Variants in MYO18B observed in about 807,000 individuals in gnomAD.
MYO18B encodes unconventional myosin-XVIIIb.
In MYO18B, 204 loss-of-function variants were observed where a neutral mutation model predicts 273.0. That is an observed-to-expected ratio of 0.75 (90% CI 0.67 to 0.84). The LOEUF (loss-of-function observed/expected upper bound fraction) is 0.84. Ranked by LOEUF, MYO18B falls within the 40% of genes least tolerant of loss-of-function variation. MYO18B has a pLI of 0.00. For synonymous variants in MYO18B, 1,330 were observed against 1,305.7 expected (o/e 1.02, Z -0.40); for missense variants, 3,212 against 3,287.6 (o/e 0.98, Z 0.56).
intron 37 of MYO18B, among the ~76,000 whole-genome samples, chr22:25,951,537 A>G (rs2146626417): frequency 6.6e-6 from 1 of 152,332 alleles, no homozygotes; most frequent in East Asian, 1.9e-4. Context: ...AGAACAAGAG[A>G]TGGTCTGTGC....
chr22:25,957,430 C>T (rs2092866724), intron 39 of MYO18B, among the ~76,000 whole-genome samples: 1 of 152,210 alleles, frequency 6.6e-6, no homozygotes, highest in African/African-American at 2.4e-5. Context: ...TGCATGCATG[C>T]TGAAATTAGA....
chr22:25,810,117 A>G (rs8137100), intron 12 of MYO18B, among the ~76,000 whole-genome samples: 36,957 of 115,948 alleles, frequency 0.32, 5,417 homozygotes, highest in Middle Eastern at 0.44. Flanking sequence ...TTTTTTTTTG[A>G]GACAGAGTCT....
intron 1 of MYO18B, among the ~76,000 whole-genome samples, chr22:25,743,140 C>T (rs1296755592): frequency 6.6e-6 from 1 of 152,240 alleles, no homozygotes; most frequent in African/African-American, 2.4e-5. Context: ...TCCAGTCTGG[C>T]CTCAACCCGC....
intron 16 of MYO18B, among the ~76,000 whole-genome samples, chr22:25,833,984 T>A (rs1001688837): frequency 7.2e-5 from 11 of 152,266 alleles, no homozygotes; most frequent in African/African-American, 2.6e-4. Flanking sequence ...TGTGTTCTTC[T>A]GGTTGGCATC....
rs117795674 is a variant in MYO18B at position 25,835,629 on chromosome 22, T to C, written c.3208+186T>C. ...TTCAGTGAACGCATTGAGCAGCCACTATGTGCTGGGTACTGTTCCATGTGT... is the reference window on the plus strand; with the variant it reads ...TTCAGTGAACGCATTGAGCAGCCACCATGTGCTGGGTACTGTTCCATGTGT... On this transcript the variant is annotated intron_variant, in intron 17 of 43. Transcript: ENST00000335473. 2.9e-3 allele frequency among the ~76,000 whole-genome samples: 438 copies of C among 152,368 alleles called. 2 individuals are homozygous for C. The highest frequency in any genetic ancestry group is 4.8e-3 in the Non-Finnish European group (328 of 68,042).
intron 26 of MYO18B, 137 bp from the exon 27 acceptor site, chr22:25,891,167 C>G (rs1242857896): frequency 6.8e-6 from 5 of 737,182 alleles, no homozygotes; most frequent in South Asian, 3.8e-5. Context: ...GGTGGCTAGC[C>G]CATGGTCCTG....
At chr22:25,991,150 A>G (rs775422970) in intron 39 of MYO18B, among the ~76,000 whole-genome samples, 6 of 152,124 alleles carry the variant, frequency 3.9e-5, no homozygotes, top group Non-Finnish European at 7.4e-5. Context: ...ACCATTCCCA[A>G]TTGCTGGGTG....
At chr22:25,959,853 G>C (rs1601691636) in intron 39 of MYO18B, among the ~76,000 whole-genome samples, 1 of 152,198 alleles carries the variant, frequency 6.6e-6, no homozygotes, top group Non-Finnish European at 1.5e-5. Context: ...GCTCTCACCA[G>C]GTCACCCTGC....
intron 18 of MYO18B, among the ~76,000 whole-genome samples, chr22:25,844,512 C>T (rs1319854493): frequency 1.3e-5 from 2 of 152,226 alleles, no homozygotes; most frequent in Non-Finnish European, 2.9e-5. Flanking sequence ...CACTTACTCA[C>T]TACTCCCTAT....
At chr22:25,787,888 A>G (rs193130596) in intron 11 of MYO18B, among the ~76,000 whole-genome samples, 8 of 152,256 alleles carry the variant, frequency 5.3e-5, no homozygotes, top group Admixed American at 2.6e-4. Flanking sequence ...TCATTCATTT[A>G]ATGAGCTTTG....
the MYO18B span, among the ~76,000 whole-genome samples, chr22:26,052,740 A>T: frequency 6.6e-6 from 1 of 152,058 alleles, no homozygotes; most frequent in African/African-American, 2.4e-5. Flanking sequence ...ATGGAAGGAT[A>T]AGAGGTATTG....
chr22:25,853,836 CT>C (rs150017378), intron 21 of MYO18B, among the ~76,000 whole-genome samples: 5,764 of 152,180 alleles, frequency 0.038, 150 homozygotes, highest in East Asian at 0.11. Context: ...TCTTCTTATT[CT>C]TTTTTTATTT....
At chr22:25,920,552 G>A (rs549533936) in intron 33 of MYO18B, among the ~76,000 whole-genome samples, 3 of 152,238 alleles carry the variant, frequency 2.0e-5, no homozygotes, top group African/African-American at 2.4e-5. Context: ...AAGATTCTGG[G>A]GGAAGGAATG....
chr22:25,952,437 C>A lies in MYO18B; in HGVS notation c.5970+14C>A. 1 of 1,612,368 alleles carries A rather than the reference C, an allele frequency of 6.2e-7. No individual in the cohort carries two copies. The highest frequency in any genetic ancestry group is 1.1e-5 in the South Asian group (1 of 90,380). ...AAGAGATTTGAGGTACGTAGTGATT[C>A]ATAAATAGTGCCTGGGCCAAGAGCA... On this transcript the variant is annotated intron_variant, in intron 38 of 43. Transcript: ENST00000335473.
At chr22:25,947,494 A>G (rs2092726533) in intron 35 of MYO18B, among the ~76,000 whole-genome samples, 2 of 82,200 alleles carry the variant, frequency 2.4e-5, no homozygotes, top group Non-Finnish European at 5.1e-5. Context: ...TAATACACAC[A>G]CACACACACA....
At chr22:25,821,531 A>G (rs547118413) in intron 12 of MYO18B, among the ~76,000 whole-genome samples, 19 of 152,296 alleles carry the variant, frequency 1.2e-4, no homozygotes, top group African/African-American at 4.6e-4. Context: ...TAATCCCAGC[A>G]CTTTGGGAGG....
chr22:25,802,415 A>G (rs78985115), intron 12 of MYO18B, among the ~76,000 whole-genome samples: 1,785 of 152,180 alleles, frequency 0.012, 33 homozygotes, highest in African/African-American at 0.037. Flanking sequence ...ATTATTGGCA[A>G]TTAACTCAAT....
At chr22:25,927,386 C>T (rs1004968563) in intron 34 of MYO18B, among the ~76,000 whole-genome samples, 3 of 152,074 alleles carry the variant, frequency 2.0e-5, no homozygotes, top group Non-Finnish European at 4.4e-5. Flanking sequence ...CTCTTATGGT[C>T]GAGACTGCAG....
intron 40 of MYO18B, among the ~76,000 whole-genome samples, chr22:25,992,724 T>TG (rs2093282954): frequency 6.6e-6 from 1 of 152,200 alleles, no homozygotes; most frequent in African/African-American, 2.4e-5. Context: ...AAGCCTTTGG[T>TG]GAGGCAATGT....
Sources: gnomAD v4.1 joint callset for allele counts (sites outside exome capture counted in the v4.1 genomes callset) on GRCh38, gnomAD v4.1.1 for gene constraint, MANE v1.5 for transcripts, NCBI Gene and HGNC (gene_info 2026-07-23, HGNC 2026-07-21) for gene names.